Variants in TMEM178B observed in about 807,000 individuals in gnomAD.
TMEM178B encodes transmembrane protein 178B.
A neutral mutation model predicts 31.0 loss-of-function variants in TMEM178B; 5 were observed. That is an observed-to-expected ratio of 0.16 (90% CI 0.08 to 0.34). The LOEUF is 0.34. Among genes scored for constraint, TMEM178B ranks in the 10% least tolerant of loss-of-function variants. The pLI, the probability that TMEM178B is intolerant of heterozygous loss-of-function variation, is 1.00. For synonymous variants in TMEM178B, 164 were observed against 164.0 expected (o/e 1.00, Z 0.00); for missense variants, 275 against 400.3 (o/e 0.69, Z 2.67).
At chr7:141,458,888 A>G (rs1048279752) in intron 3 of TMEM178B, among the ~76,000 whole-genome samples, 3 of 152,264 alleles carry the variant, frequency 2.0e-5, no homozygotes, top group African/African-American at 7.2e-5. Flanking sequence ...ACACACACAC[A>G]TACACACAAA....
In TMEM178B at chr7:141,470,651, G is replaced by T; in HGVS notation, c.750G>T (p.Trp250Cys). ...ATGACATCAGCCATGGCTATGGCTG[G>T]TCCATGTTCTGTGCATGGGGGGGCC... ...LPDDISHGYG[W>C]SMFCAWGGLG... Residue 250 changes from tryptophan (W) to cysteine (C), a missense_variant, in exon 4 of 4, where the codon TGG becomes TGT. Coordinates refer to ENST00000565468, the MANE Select transcript of TMEM178B (RefSeq NM_001195278.2). 1 of 1,535,522 alleles carries T rather than the reference G, an allele frequency of 6.5e-7. No individual in the cohort carries two copies. Among genetic ancestry groups the T allele is most frequent in the Non-Finnish European group, 8.7e-7 (1 of 1,146,766 alleles).
chr7:141,495,683 TTGG>T, the TMEM178B span, among the ~76,000 whole-genome samples: 1 of 152,214 alleles, frequency 6.6e-6, no homozygotes, highest in Admixed American at 6.5e-5. Context: ...GCATTCATTC[TTGG>T]AAAATGGCAA....
intron 1 of TMEM178B, among the ~76,000 whole-genome samples, chr7:141,153,949 G>A (rs1300913703): frequency 6.6e-6 from 1 of 152,032 alleles, no homozygotes; most frequent in African/African-American, 2.4e-5. Context: ...TCTATGCAGG[G>A]TGATATAGAC....
intron 1 of TMEM178B, among the ~76,000 whole-genome samples, chr7:141,104,089 T>C (rs1586770343): frequency 6.6e-6 from 1 of 152,218 alleles, no homozygotes; most frequent in East Asian, 1.9e-4. Flanking sequence ...GTTATTTTAG[T>C]TGAACCTGAG....
intron 1 of TMEM178B, among the ~76,000 whole-genome samples, chr7:141,106,800 TA>T (rs1795154587): frequency 6.6e-6 from 1 of 152,356 alleles, no homozygotes; most frequent in Non-Finnish European, 1.5e-5. Context: ...TGTATTCACT[TA>T]ACACATATTT....
chr7:141,309,667 C>T (rs1443197285), intron 2 of TMEM178B, among the ~76,000 whole-genome samples: 1 of 151,984 alleles, frequency 6.6e-6, no homozygotes, highest in African/African-American at 2.4e-5. Context: ...GTTATTCTTC[C>T]ACAAATTACC....
At chr7:141,393,359 G>A (rs1196406313) in intron 2 of TMEM178B, among the ~76,000 whole-genome samples, 1 of 152,202 alleles carries the variant, frequency 6.6e-6, no homozygotes, top group Non-Finnish European at 1.5e-5. Flanking sequence ...CCAGGAGAAA[G>A]AAAACTAATA....
At chr7:141,082,556 T>G (rs1222789398) in intron 1 of TMEM178B, among the ~76,000 whole-genome samples, 1 of 152,234 alleles carries the variant, frequency 6.6e-6, no homozygotes, top group Admixed American at 6.5e-5. Context: ...CATAGTCCCA[T>G]CTCTCCTCCT....
At chr7:141,223,093 G>A (rs549455321) in intron 2 of TMEM178B, among the ~76,000 whole-genome samples, 6 of 152,170 alleles carry the variant, frequency 3.9e-5, no homozygotes, top group South Asian at 2.1e-4. Flanking sequence ...TGTCTAGCCC[G>A]GCCCTGCCTT....
intron 1 of TMEM178B, among the ~76,000 whole-genome samples, chr7:141,140,255 G>C (rs573988249): frequency 6.6e-6 from 1 of 152,108 alleles, no homozygotes; most frequent in African/African-American, 2.4e-5. Flanking sequence ...AACTGTTTCC[G>C]AAGATCTGAA....
Position 141,171,629 on chromosome 7 carries a change from G to A in TMEM178B, c.383-40962G>A, listed in dbSNP as rs940734543. 1.3e-5 allele frequency among the ~76,000 whole-genome samples: 2 copies of A among 152,200 alleles called. No individual in the cohort carries two copies. The highest frequency in any genetic ancestry group is 1.3e-4 in the Admixed American group (2 of 15,286). ...GGTCTCCCGCATGACACTGTCTTCT[G>A]AGTGATGCATGCAAATTCCAGACAG... On this transcript the variant is annotated intron_variant, in intron 1 of 3. Coordinates refer to ENST00000565468, the MANE Select transcript of TMEM178B (RefSeq NM_001195278.2). The surrounding 1 kb of genome is among the most constrained non-coding windows in gnomAD (Gnocchi z 4.3).
chr7:141,074,265 G>A lies in TMEM178B; in HGVS notation c.-46G>A. Reference sequence around the variant, plus strand: ...TGTTCCGGGTGCGGCGAGGGAAGGCGAGGCTGCGGCGGATCATGCCCATGG... The same window carrying A: ...TGTTCCGGGTGCGGCGAGGGAAGGCAAGGCTGCGGCGGATCATGCCCATGG... On this transcript the variant is annotated 5_prime_UTR_variant, in exon 1 of 4. Transcript: ENST00000565468. The surrounding 1 kb of genome is among the most constrained non-coding windows in gnomAD (Gnocchi z 5.1). 6.9e-7 allele frequency: 1 copy of A among 1,459,840 alleles called. No individual in the cohort carries two copies. Among genetic ancestry groups the A allele is most frequent in the Non-Finnish European group, 9.0e-7 (1 of 1,107,082 alleles). 90.4% of individuals were successfully genotyped at this position (1,459,840 alleles called of 1,614,324 possible).
intron 1 of TMEM178B, among the ~76,000 whole-genome samples, chr7:141,165,952 C>T (rs1005281): frequency 0.67 from 101,702 of 152,128 alleles, 34,414 homozygotes; most frequent in Middle Eastern, 0.72. Context: ...TTGTTAGCCA[C>T]GGGCATTGTT....
chr7:141,236,285 C>A (rs1053469950), intron 2 of TMEM178B, among the ~76,000 whole-genome samples: 2 of 152,120 alleles, frequency 1.3e-5, no homozygotes, highest in Non-Finnish European at 2.9e-5. Context: ...TACAGAGATT[C>A]GGCGCAGAGA....
intron 2 of TMEM178B, among the ~76,000 whole-genome samples, chr7:141,277,709 G>C (rs1006072856): frequency 6.6e-5 from 10 of 152,124 alleles, no homozygotes; most frequent in African/African-American, 2.4e-4. Flanking sequence ...TTTGCAGCTC[G>C]TGACTGTGTG....
At chr7:141,356,228 A>G (rs992278610) in intron 2 of TMEM178B, among the ~76,000 whole-genome samples, 2 of 152,232 alleles carry the variant, frequency 1.3e-5, no homozygotes, top group Non-Finnish European at 1.5e-5. Flanking sequence ...CTTTGGGTAC[A>G]TGCCCAGTAA....
At chr7:141,415,994 T>A (rs912203412) in intron 2 of TMEM178B, 1 of 152,698 alleles carries the variant, frequency 6.5e-6, no homozygotes, top group African/African-American at 2.4e-5. Context: ...TATATAAATG[T>A]AAACTCTCAC....
chr7:141,284,774 A>T (rs530336635), intron 2 of TMEM178B, among the ~76,000 whole-genome samples: 6 of 152,194 alleles, frequency 3.9e-5, no homozygotes, highest in Non-Finnish European at 8.8e-5. Flanking sequence ...CTGAAGGGTG[A>T]ATCAGACCGA....
At chr7:141,378,628 G>T (rs892279699) in intron 2 of TMEM178B, among the ~76,000 whole-genome samples, 1 of 152,208 alleles carries the variant, frequency 6.6e-6, no homozygotes, top group East Asian at 1.9e-4. Flanking sequence ...CAGAGTCCTT[G>T]TTTAGCCTCT....
Sources: allele counts gnomAD v4.1 joint callset (sites outside exome capture counted in the v4.1 genomes callset), GRCh38; gene constraint gnomAD v4.1.1; non-coding constraint Gnocchi (gnomAD v3.1); transcripts MANE v1.5; gene names NCBI Gene and HGNC (gene_info 2026-07-23, HGNC 2026-07-21).